The following YAP1 variants were observed in gnomAD, a reference collection of about 807,000 sequenced individuals.
YAP1 encodes the protein Yes1 associated transcriptional regulator.
In YAP1, 5 loss-of-function variants were observed where a neutral mutation model predicts 56.9. The ratio of observed to expected loss-of-function variants is 0.09; its 90% confidence interval spans 0.05 to 0.18. The LOEUF (loss-of-function observed/expected upper bound fraction) is 0.18, where lower values mean the gene tolerates loss of function less well. YAP1 is among the 10% of genes least tolerant of loss of function. YAP1 has a pLI of 1.00. For synonymous variants in YAP1, 265 were observed against 248.1 expected (o/e 1.07, Z -0.64); for missense variants, 539 against 651.8 (o/e 0.83, Z 1.88).
At chr11:102,218,192 G>A (rs1182422086) in intron 6 of YAP1, among the ~76,000 whole-genome samples, 1 of 152,168 alleles carries the variant, frequency 6.6e-6, no homozygotes. Context: ...CCTTTAGTAT[G>A]CTATCCATAA....
Position 102,172,472 on chromosome 11 carries a change from CAG to C in YAP1, c.688+9902_688+9903del, listed in dbSNP as rs1946966396. ...GACTACAGGCATACGGCACCATGCA[CAG>C]CGTTTTTTTTTTTTTTTTTTTGGTA... On this transcript the variant is annotated intron_variant, in intron 3 of 8. Transcript: ENST00000282441. Among the ~76,000 whole-genome samples, 2 of 94,382 alleles carry C rather than the reference CAG, an allele frequency of 2.1e-5. 1 individual carries two copies. Among genetic ancestry groups the C allele is most frequent in the Non-Finnish European group, 4.6e-5 (2 of 43,850 alleles). The allele number at this position is 94,382 out of a possible 152,430, so 61.9% of individuals were successfully genotyped here.
intron 2 of YAP1, among the ~76,000 whole-genome samples, chr11:102,135,841 A>G (rs1297762894): frequency 1.3e-5 from 2 of 152,136 alleles, no homozygotes; most frequent in South Asian, 4.1e-4. Context: ...TGCAGTTTGC[A>G]TCTTTTGATC....
intron 4 of YAP1, among the ~76,000 whole-genome samples, chr11:102,198,822 T>C (rs1410233457): frequency 2.0e-5 from 3 of 152,150 alleles, no homozygotes; most frequent in Non-Finnish European, 2.9e-5. Context: ...ATGTTGAGTG[T>C]TGTATTGAAA....
At chr11:102,192,186 C>G (rs1376052847) in intron 4 of YAP1, among the ~76,000 whole-genome samples, 3 of 152,188 alleles carry the variant, frequency 2.0e-5, no homozygotes, top group Non-Finnish European at 4.4e-5. Context: ...AAATTTACTT[C>G]CTTTCACATG....
rs77057567 is a variant in YAP1 at position 102,125,880 on chromosome 11, C to T, written c.572+11486C>T. ...AGAGTAATACAACAGGAGCCAAGCC[C>T]GGAAGTTGCAGGGACCCCTGAATGC... On this transcript the variant is annotated intron_variant, in intron 2 of 8. Transcript: ENST00000282441. Among the ~76,000 whole-genome samples, 464 of 152,086 alleles carry T rather than the reference C, an allele frequency of 3.1e-3. 1 individual carries two copies. The highest frequency in any genetic ancestry group is 0.011 in the South Asian group (53 of 4,824).
intron 2 of YAP1, among the ~76,000 whole-genome samples, chr11:102,148,716 G>C (rs957982276): frequency 7.9e-5 from 12 of 152,152 alleles, no homozygotes; most frequent in Non-Finnish European, 1.6e-4. Context: ...CTCACCTTCT[G>C]TCTGTTCTTG....
At chr11:102,208,679 G>C (rs867532360) in intron 5 of YAP1, among the ~76,000 whole-genome samples, 25 of 151,978 alleles carry the variant, frequency 1.6e-4, no homozygotes, top group Admixed American at 7.2e-4. Context: ...TATTTTCATT[G>C]TTTTTCATTT....
chr11:102,206,931 G>C (rs773107114), intron 5 of YAP1, among the ~76,000 whole-genome samples: 28 of 138,862 alleles, frequency 2.0e-4, no homozygotes, highest in Admixed American at 8.6e-4. Context: ...GGGGAAAGTA[G>C]GACATAGTAG....
intron 6 of YAP1, among the ~76,000 whole-genome samples, chr11:102,213,400 C>T (rs1309057062): frequency 6.6e-6 from 1 of 152,012 alleles, no homozygotes; most frequent in African/African-American, 2.4e-5. Flanking sequence ...GAGGGAGAAT[C>T]GCCTGAACCT....
At chr11:102,204,150 G>A (rs7931576) in intron 4 of YAP1, among the ~76,000 whole-genome samples, 60,415 of 150,384 alleles carry the variant, frequency 0.4, 12,945 homozygotes, top group African/African-American at 0.56. Context: ...AGTCTCAGCT[G>A]CTTGAGAGAC....
intron 3 of YAP1, among the ~76,000 whole-genome samples, chr11:102,169,532 A>G (rs891856366): frequency 1.3e-5 from 2 of 152,264 alleles, no homozygotes; most frequent in Non-Finnish European, 2.9e-5. Flanking sequence ...GCAGTGAACT[A>G]TAACAAAGCC....
rs1269832977 is a variant in YAP1, at chr11:102,233,273, A to G, written c.*3333A>G. 6.6e-6 allele frequency: 1 copy of G among 152,248 alleles called. No individual in the cohort carries two copies. Among genetic ancestry groups the G allele is most frequent in the African/African-American group, 2.4e-5 (1 of 41,470 alleles). The allele number at this position is 152,248 out of a possible 1,614,324, so 9.4% of individuals were successfully genotyped here. ...ATGCACACTTGTCAAATATATATAT[A>G]TAGTACCAATGTTACCTTTTTATTT... is the stretch of plus-strand genomic sequence containing the variant. On this transcript the variant is annotated 3_prime_UTR_variant, in exon 9 of 9. Coordinates refer to ENST00000282441, the MANE Select transcript of YAP1 (RefSeq NM_001130145.3).
rs529584641 is a variant in YAP1, at chr11:102,231,480, T to A, written c.*1540T>A. ...TGAGTTAGCTGGAAAAGTGATCAGATTAATAAATGTATATTGGTAGTTGAA... is the reference window on the plus strand; with the variant it reads ...TGAGTTAGCTGGAAAAGTGATCAGAATAATAAATGTATATTGGTAGTTGAA... On this transcript the variant is annotated 3_prime_UTR_variant, in exon 9 of 9. Transcript: ENST00000282441. 6.5e-6 allele frequency: 1 copy of A among 152,742 alleles called. No individual in the cohort carries two copies. Among genetic ancestry groups the A allele is most frequent in the South Asian group, 2.1e-4 (1 of 4,828 alleles). 9.5% of individuals were successfully genotyped at this position (152,742 alleles called of 1,614,324 possible). A position where few individuals can be genotyped will look rare whatever the true frequency, so the allele number is the denominator to read the frequency against.
At chr11:102,145,780 C>T (rs1945293055) in intron 2 of YAP1, among the ~76,000 whole-genome samples, 1 of 152,208 alleles carries the variant, frequency 6.6e-6, no homozygotes, top group Non-Finnish European at 1.5e-5. Flanking sequence ...CATAAATTCA[C>T]TATTCCCATT....
chr11:102,192,432 T>A (rs550206560), intron 4 of YAP1, among the ~76,000 whole-genome samples: 11 of 152,378 alleles, frequency 7.2e-5, no homozygotes, highest in African/African-American at 1.4e-4. Flanking sequence ...CCAAAAATCT[T>A]TCTTCAATCT....
At chr11:102,113,437 A>T (rs1441092681) in intron 1 of YAP1, among the ~76,000 whole-genome samples, 1 of 152,134 alleles carries the variant, frequency 6.6e-6, no homozygotes, top group Admixed American at 6.5e-5. Context: ...TGAATGCAGA[A>T]TTTTTTCTGC....
At chr11:102,135,578 T>A (rs930965848) in intron 2 of YAP1, among the ~76,000 whole-genome samples, 7 of 152,196 alleles carry the variant, frequency 4.6e-5, no homozygotes, top group Admixed American at 1.3e-4. Context: ...GCAGCTGAGA[T>A]TTCCTAGAGA....
chr11:102,190,241 G>A (rs1013239611), intron 4 of YAP1, among the ~76,000 whole-genome samples: 3 of 152,092 alleles, frequency 2.0e-5, no homozygotes, highest in African/African-American at 7.2e-5. Context: ...TGGTTATCCT[G>A]GGCTGTCAGT....
chr11:102,132,167 G>A (rs1944404127), intron 2 of YAP1, among the ~76,000 whole-genome samples: 1 of 152,130 alleles, frequency 6.6e-6, no homozygotes, highest in Admixed American at 6.6e-5. Flanking sequence ...AACTCTGGAA[G>A]GCTGAGAGAA....
Sources: allele counts gnomAD v4.1 joint callset (sites outside exome capture counted in the v4.1 genomes callset), GRCh38; gene constraint gnomAD v4.1.1; transcripts MANE v1.5; gene names NCBI Gene and HGNC (gene_info 2026-07-23, HGNC 2026-07-21).